DIPK1A: variants seen among roughly 807,000 people sequenced by gnomAD.
DIPK1A encodes family with sequence similarity 69 member A.
In DIPK1A, 27 loss-of-function variants were observed where a neutral mutation model predicts 40.8. The ratio of observed to expected loss-of-function variants is 0.66; its 90% CI spans 0.49 to 0.91. DIPK1A has a LOEUF of 0.91. Ranked by LOEUF, DIPK1A falls within the 40% of genes least tolerant of loss-of-function variation. DIPK1A has a pLI of 0.00. For synonymous variants in DIPK1A, 166 were observed against 171.3 expected (o/e 0.97, Z 0.24); for missense variants, 412 against 505.7 (o/e 0.81, Z 1.78).
At chr1:92,950,951 T>TA (rs1391437770) in intron 1 of DIPK1A, among the ~76,000 whole-genome samples, 2 of 152,228 alleles carry the variant, frequency 1.3e-5, no homozygotes, top group Non-Finnish European at 2.9e-5. Flanking sequence ...TACTTTTTTT[T>TA]ACTATTAGAA....
intron 1 of DIPK1A, among the ~76,000 whole-genome samples, chr1:92,883,140 A>T (rs1174034419): frequency 6.6e-6 from 1 of 152,228 alleles, no homozygotes; most frequent in Non-Finnish European, 1.5e-5. Context: ...CCAGGCACAT[A>T]TTGAAAGAGC....
At chr1:92,850,375 T>A (rs1282990365) in intron 3 of DIPK1A, among the ~76,000 whole-genome samples, 5 of 152,178 alleles carry the variant, frequency 3.3e-5, no homozygotes, top group Non-Finnish European at 7.3e-5. Flanking sequence ...ATACTGGGGA[T>A]AGATTAATAA....
intron 4 of DIPK1A, chr1:92,833,509 T>TGG: frequency 1.2e-6 from 2 of 1,609,488 alleles, no homozygotes; most frequent in Non-Finnish European, 1.7e-6. Flanking sequence ...GCAGATGCAG[T>TGG]GGAGTATCCT....
intron 4 of DIPK1A, chr1:92,846,635 C>CT (rs71094209): frequency 0.23 from 75,279 of 328,400 alleles, 3,918 homozygotes; most frequent in Non-Finnish European, 0.26. Context: ...TTTTCTTTTT[C>CT]TTTTTTTTTT....
Position 92,842,402 on chromosome 1 carries a change from C to A in DIPK1A, c.*981G>T, listed in dbSNP as rs543369415. On this transcript the variant is annotated 3_prime_UTR_variant, in exon 5 of 5. Coordinates refer to ENST00000370310, the MANE Select transcript of DIPK1A (RefSeq NM_001006605.5). Reference sequence around the variant, plus strand: ...TTATGGAGATGTTGAAAGGTACATGCCAAATCTGAGTATACGTGTGAAAAT... The same window carrying A: ...TTATGGAGATGTTGAAAGGTACATGACAAATCTGAGTATACGTGTGAAAAT... 1.1e-5 allele frequency: 11 copies of A among 981,718 alleles called. No individual in the cohort carries two copies. In the South Asian group the frequency reaches 3.3e-4, roughly 29 times the overall value. 60.8% of individuals were successfully genotyped at this position (981,718 alleles called of 1,614,324 possible).
intron 1 of DIPK1A, among the ~76,000 whole-genome samples, chr1:92,915,500 A>C (rs984641217): frequency 1.3e-5 from 2 of 152,238 alleles, no homozygotes; most frequent in Non-Finnish European, 2.9e-5. Context: ...TTCATTTTAC[A>C]TACAGTTAAT....
chr1:92,952,859 T>C (rs1186983722), intron 1 of DIPK1A, among the ~76,000 whole-genome samples: 1 of 152,012 alleles, frequency 6.6e-6, no homozygotes, highest in African/African-American at 2.4e-5. Flanking sequence ...GAGTCCCAAT[T>C]TTCAAGCAGT....
intron 1 of DIPK1A, among the ~76,000 whole-genome samples, chr1:92,947,936 C>T (rs939241225): frequency 2.0e-5 from 3 of 152,004 alleles, no homozygotes; most frequent in East Asian, 1.9e-4. Context: ...ATTGGTTAAC[C>T]GACACAAAAG....
chr1:92,936,185 G>A (rs753189913), intron 1 of DIPK1A, among the ~76,000 whole-genome samples: 1 of 152,222 alleles, frequency 6.6e-6, no homozygotes, highest in Non-Finnish European at 1.5e-5. Context: ...TCTGCATAGA[G>A]TCAGCAAGAA....
At chr1:92,870,828 TGA>T (rs1647807744) in intron 2 of DIPK1A, among the ~76,000 whole-genome samples, 1 of 152,194 alleles carries the variant, frequency 6.6e-6, no homozygotes, top group Non-Finnish European at 1.5e-5. Flanking sequence ...CTGCTTCCAC[TGA>T]CTGGTCAGTG....
chr1:92,871,828 A>C (rs1179512516), intron 2 of DIPK1A, among the ~76,000 whole-genome samples: 1 of 152,096 alleles, frequency 6.6e-6, no homozygotes, highest in African/African-American at 2.4e-5. Context: ...ATTCCATTGT[A>C]TCTATATACA....
rs140642601 is a variant in DIPK1A at position 92,890,630 on chromosome 1, T to C, written c.55-14200A>G. Among the ~76,000 whole-genome samples the C allele has an allele frequency of 1.3e-4, 20 of 152,366 alleles. No individual in the cohort carries two copies. The East Asian group carries it at 3.9e-3, about 29-fold the overall frequency. On this transcript the variant is annotated intron_variant, in intron 1 of 4. Coordinates refer to ENST00000370310, the MANE Select transcript of DIPK1A (RefSeq NM_001006605.5). ...GATGTATCATATTTACTGATTTGTG[T>C]ACGTTGACCTATCTTTGCATCTCTT... is the stretch of plus-strand genomic sequence containing the variant.
At chr1:92,838,851 G>A (rs1257468688), downstream of DIPK1A, among the ~76,000 whole-genome samples, 2 of 152,090 alleles carry the variant, frequency 1.3e-5, no homozygotes, top group African/African-American at 4.8e-5. Context: ...TTTCAAAATG[G>A]GTATAGGTAG....
chr1:92,871,447 G>C (rs995799991), intron 2 of DIPK1A, among the ~76,000 whole-genome samples: 1 of 152,288 alleles, frequency 6.6e-6, no homozygotes, highest in Non-Finnish European at 1.5e-5. Flanking sequence ...TTACAGGTGT[G>C]AGACACTGCA....
At chr1:92,910,311 G>A (rs1366550040) in intron 1 of DIPK1A, among the ~76,000 whole-genome samples, 1 of 152,140 alleles carries the variant, frequency 6.6e-6, no homozygotes, top group Non-Finnish European at 1.5e-5. Flanking sequence ...TTGAATCACA[G>A]TCAGCTGATA....
intron 2 of DIPK1A, among the ~76,000 whole-genome samples, chr1:92,869,424 GCTAGGATTA>G (rs1489510000): frequency 2.0e-5 from 3 of 152,088 alleles, no homozygotes; most frequent in African/African-American, 7.2e-5. Context: ...CTCCTAAAGT[GCTAGGATTA>G]CAGATGTGAG....
rs553819187 is a variant in DIPK1A, at chr1:92,857,037, G to A, written c.190-6082C>T. Among the ~76,000 whole-genome samples, 7 of 152,294 alleles carry A rather than the reference G, an allele frequency of 4.6e-5. No individual in the cohort carries two copies. The East Asian group carries it at 9.6e-4, about 21-fold the overall frequency. On this transcript the variant is annotated intron_variant, in intron 2 of 4. Transcript: ENST00000370310. ...AATAGAAACAATTTCAGAATGACGT[G>A]AGCAGTTTAGTACCATTTATTAAAG...
At chr1:92,873,743 G>T (rs1462181936) in intron 2 of DIPK1A, among the ~76,000 whole-genome samples, 2 of 151,768 alleles carry the variant, frequency 1.3e-5, no homozygotes, top group Admixed American at 1.3e-4. Flanking sequence ...ATGAAGTCTT[G>T]CTCTGTTGCC....
rs985164868 is a variant in DIPK1A at position 92,843,629 on chromosome 1, A to G, written c.1041T>C (p.Cys347=). Reference sequence around the variant, plus strand: ...AAGTACACTTCATTGTACTCTGATCACAGCTAGTTCTACAATCTGTGCCAT... The same window carrying G: ...AAGTACACTTCATTGTACTCTGATCGCAGCTAGTTCTACAATCTGTGCCAT... ...CVYGTDCRTS[C]DQSTMKCTSE... Residue 347 remains cysteine (C), a synonymous_variant, in exon 5 of 5, where the codon TGT becomes TGC. Transcript: ENST00000370310. The G allele has an allele frequency of 1.9e-6, 3 of 1,551,684 alleles. No homozygotes were observed. The highest frequency in any genetic ancestry group is 2.6e-6 in the Non-Finnish European group (3 of 1,147,016).
Sources: allele counts gnomAD v4.1 joint callset (sites outside exome capture counted in the v4.1 genomes callset), GRCh38; gene constraint gnomAD v4.1.1; transcripts MANE v1.5; gene names NCBI Gene and HGNC (gene_info 2026-07-23, HGNC 2026-07-21).